The following DCAF6 variants were observed in gnomAD, a reference collection of about 807,000 sequenced individuals.
The protein encoded by DCAF6 is DDB1 and CUL4 associated factor 6.
A neutral mutation model predicts 125.1 loss-of-function variants in DCAF6; 54 were observed. That is an observed-to-expected ratio of 0.43 (90% CI 0.35 to 0.54). The LOEUF is 0.54. Among genes scored for constraint, DCAF6 ranks in the 20% least tolerant of loss-of-function variants. DCAF6 has a pLI of 0.01. For synonymous variants in DCAF6, 371 were observed against 390.4 expected (o/e 0.95, Z 0.58); for missense variants, 934 against 1,161.7 (o/e 0.80, Z 2.85).
In DCAF6 at chr1:167,951,770, T is replaced by G. The variant is rs186696862; in HGVS notation, c.98-30T>G. ...ATATTTTTCTCAGTATTTGTGTGAT[T>G]TATTTAATTTGTTCTTTCTTTTTAA... On this transcript the variant is annotated intron_variant, in intron 1 of 21. Coordinates refer to ENST00000367840, the MANE Select transcript of DCAF6 (RefSeq NM_001198956.2). The G allele has an allele frequency of 5.1e-5, 71 of 1,390,782 alleles. No individual in the cohort carries two copies. In the Middle Eastern group the frequency reaches 5.6e-4, roughly 11 times the overall value. The allele number at this position is 1,390,782 out of a possible 1,614,324, so 86.2% of individuals were successfully genotyped here.
At chr1:167,951,903 T>A (rs367577811) in intron 2 of DCAF6, 42 bp downstream of exon 2, 2 of 1,262,436 alleles carry the variant, frequency 1.6e-6, no homozygotes, top group South Asian at 2.6e-5. Flanking sequence ...GATTTGATAC[T>A]AAGTGTTTAA....
At chr1:167,913,684 G>A in the DCAF6 span, among the ~76,000 whole-genome samples, 2 of 150,892 alleles carry the variant, frequency 1.3e-5, no homozygotes, top group Non-Finnish European at 2.9e-5. Flanking sequence ...GCACTTGGTA[G>A]TTGTTGACTG....
chr1:168,058,489 G>T (rs1691181709), intron 17 of DCAF6, among the ~76,000 whole-genome samples: 1 of 152,082 alleles, frequency 6.6e-6, no homozygotes, highest in African/African-American at 2.4e-5. Context: ...CAATAATATG[G>T]TCTTGATGTT....
chr1:167,889,535 CT>C, the DCAF6 span, among the ~76,000 whole-genome samples: 1,144 of 152,162 alleles, frequency 7.5e-3, 9 homozygotes, highest in African/African-American at 0.026. Context: ...CTGTAGCTTT[CT>C]TTTTTTGATG....
chr1:167,881,978 A>G, the DCAF6 span, among the ~76,000 whole-genome samples: 2 of 152,200 alleles, frequency 1.3e-5, no homozygotes, highest in Admixed American at 6.5e-5. Context: ...TTGTGTCAAT[A>G]TATGTGTTAC....
chr1:168,056,339 C>G, intron 17 of DCAF6: 2 of 1,551,034 alleles, frequency 1.3e-6, no homozygotes, highest in African/African-American at 1.5e-5. Context: ...GCCAGGGCCT[C>G]GGCGGGCAGG....
At chr1:168,019,600 G>C (rs1685432457) in intron 11 of DCAF6, 3 of 454,304 alleles carry the variant, frequency 6.6e-6, no homozygotes, top group Admixed American at 4.7e-5. Flanking sequence ...ACCCTGTGGA[G>C]TCTGCTGGTA....
chr1:168,010,304 A>G (rs193219166), intron 10 of DCAF6, among the ~76,000 whole-genome samples: 1 of 152,188 alleles, frequency 6.6e-6, no homozygotes, highest in African/African-American at 2.4e-5. Context: ...ACTCATGTAT[A>G]TATGGGTGAA....
intron 12 of DCAF6, among the ~76,000 whole-genome samples, chr1:168,027,883 C>T (rs201538): frequency 6.6e-5 from 10 of 152,084 alleles, no homozygotes; most frequent in African/African-American, 2.4e-4. Context: ...TTCATTAATG[C>T]AGCTCCCTGG....
chr1:168,044,307 A>C (rs1367066713), intron 14 of DCAF6, among the ~76,000 whole-genome samples: 1 of 152,112 alleles, frequency 6.6e-6, no homozygotes, highest in Non-Finnish European at 1.5e-5. Flanking sequence ...CCATGGAAAT[A>C]CTCCCTCCCA....
At chr1:167,918,051 CAGA>C in the DCAF6 span, 1 of 295,304 alleles carries the variant, frequency 3.4e-6, no homozygotes, top group East Asian at 6.0e-5. Flanking sequence ...CTGACTGGAA[CAGA>C]AGGAGGCAGG....
chr1:167,870,307 T>G, the DCAF6 span: 11 of 1,614,094 alleles, frequency 6.8e-6, no homozygotes, highest in Non-Finnish European at 9.3e-6. Flanking sequence ...GTATCTGGCT[T>G]TTTCCATATC....
chr1:168,003,104 T>C (rs1220328669), intron 8 of DCAF6, among the ~76,000 whole-genome samples: 2 of 152,192 alleles, frequency 1.3e-5, no homozygotes, highest in East Asian at 3.8e-4. Context: ...CTATAATGAC[T>C]TCTGAAACAT....
rs1682962992 is a variant in DCAF6, at chr1:168,003,804, G to GT, written c.998-61dup. ...TCATTTTAAAGCCCTTCAAATCTAG[G>GT]TTTTTGTATTAATGAAAGATTCTGA... On this transcript the variant is annotated intron_variant, in intron 8 of 21. Transcript: ENST00000367840. 4.9e-6 allele frequency: 7 copies of GT among 1,426,042 alleles called. No homozygotes were observed. The Admixed American group carries it at 1.6e-4, about 32-fold the overall frequency. The allele number at this position is 1,426,042 out of a possible 1,614,324, so 88.3% of individuals were successfully genotyped here.
At position 168,008,534 on chromosome 1, in the gene DCAF6, A is replaced by T. The variant is rs74653733; in HGVS notation, c.1378+3741A>T. 4.6e-3 allele frequency among the ~76,000 whole-genome samples: 695 copies of T among 152,164 alleles called. 8 individuals carry two copies. In the East Asian group the frequency reaches 0.058, roughly 13 times the overall value. On this transcript the variant is annotated intron_variant, in intron 10 of 21. Transcript: ENST00000367840. ...ATCTGCCTGTACCTACTGTTGTTCCATTATAATGTATTCTCCATGCAGGAG... is the reference window on the plus strand; with the variant it reads ...ATCTGCCTGTACCTACTGTTGTTCCTTTATAATGTATTCTCCATGCAGGAG...
the DCAF6 span, among the ~76,000 whole-genome samples, chr1:167,918,990 G>C: frequency 6.6e-6 from 1 of 152,100 alleles, no homozygotes; most frequent in Non-Finnish European, 1.5e-5. Flanking sequence ...ACAAGAACGT[G>C]ACAAACTTGT....
chr1:168,029,636 A>G (rs749857445), intron 12 of DCAF6, among the ~76,000 whole-genome samples: 22 of 152,326 alleles, frequency 1.4e-4, no homozygotes, highest in African/African-American at 4.6e-4. Context: ...AGTTGGTGCT[A>G]TTATTACCCC....
intron 5 of DCAF6, among the ~76,000 whole-genome samples, chr1:167,990,108 AGTC>A (rs1680615921): frequency 6.6e-6 from 1 of 152,198 alleles, no homozygotes; most frequent in Non-Finnish European, 1.5e-5. Flanking sequence ...AAAATATAGA[AGTC>A]AGTTAATTTT....
At chr1:167,923,762 C>T in the DCAF6 span, among the ~76,000 whole-genome samples, 4 of 151,530 alleles carry the variant, frequency 2.6e-5, no homozygotes, top group East Asian at 1.9e-4. Flanking sequence ...GAGAATCATC[C>T]GAAGAGGTTA....
Sources: allele counts gnomAD v4.1 joint callset (sites outside exome capture counted in the v4.1 genomes callset), GRCh38; gene constraint gnomAD v4.1.1; transcripts MANE v1.5; gene names NCBI Gene and HGNC (gene_info 2026-07-23, HGNC 2026-07-21).